Variants in FAT3 observed in about 807,000 individuals in gnomAD.
FAT3 encodes the protein FAT atypical cadherin 3.
A neutral mutation model predicts 310.2 loss-of-function variants in FAT3; 95 were observed. The observed-to-expected ratio is 0.31, with a 90% CI of 0.26 to 0.36. The LOEUF (loss-of-function observed/expected upper bound fraction) is 0.36. Among genes scored for constraint, FAT3 ranks in the 10% least tolerant of loss-of-function variants. The pLI is 1.00. For synonymous variants in FAT3, 2,314 were observed against 2,192.9 expected (o/e 1.06, Z -1.54); for missense variants, 5,408 against 5,715.6 (o/e 0.95, Z 1.74).
chr11:92,382,248 C>A (rs1272526773), intron 2 of FAT3, among the ~76,000 whole-genome samples: 1 of 152,092 alleles, frequency 6.6e-6, no homozygotes, highest in Non-Finnish European at 1.5e-5. Flanking sequence ...CTTAAACTGG[C>A]CCTTAGAAGT....
At chr11:92,254,179 T>G (rs1415736533) in intron 1 of FAT3, among the ~76,000 whole-genome samples, 1 of 152,126 alleles carries the variant, frequency 6.6e-6, no homozygotes, top group Non-Finnish European at 1.5e-5. Context: ...AGAGGCCACA[T>G]AGAAGCCCAG....
At chr11:92,383,082 T>C (rs1351168590) in intron 2 of FAT3, among the ~76,000 whole-genome samples, 2 of 152,222 alleles carry the variant, frequency 1.3e-5, no homozygotes, top group East Asian at 3.8e-4. Flanking sequence ...AGTGAGAATA[T>C]GCAGTGTTTG....
At chr11:92,292,565 G>A (rs531066429) in intron 1 of FAT3, among the ~76,000 whole-genome samples, 220 of 152,106 alleles carry the variant, frequency 1.4e-3, no homozygotes, top group Admixed American at 2.7e-3. Flanking sequence ...AAGCAAATCC[G>A]GTTTATGTCC....
intron 2 of FAT3, among the ~76,000 whole-genome samples, chr11:92,486,124 G>A: frequency 1.9e-5 from 1 of 53,450 alleles, no homozygotes; most frequent in African/African-American, 7.2e-5. Context: ...AGGAGAGGCT[G>A]CTGGGGTTTT....
intron 2 of FAT3, among the ~76,000 whole-genome samples, chr11:92,510,353 G>A (rs1953250966): frequency 6.6e-6 from 1 of 152,060 alleles, no homozygotes; most frequent in South Asian, 2.1e-4. Flanking sequence ...TGCTGTGTAT[G>A]GTGGTTATGC....
At chr11:92,336,703 A>G (rs1281708498) in intron 1 of FAT3, among the ~76,000 whole-genome samples, 1 of 152,192 alleles carries the variant, frequency 6.6e-6, no homozygotes, top group Non-Finnish European at 1.5e-5. Context: ...AATAAAACCA[A>G]ATAACCAGAA....
Position 92,612,806 on chromosome 11 carries a change from C to A in FAT3, c.3608-84578C>A, listed in dbSNP as rs546718121. Among the ~76,000 whole-genome samples, 10 of 152,190 alleles carry A rather than the reference C, an allele frequency of 6.6e-5. 1 individual carries two copies. Among genetic ancestry groups the A allele is most frequent in the Admixed American group, 6.5e-4 (10 of 15,286 alleles). On this transcript the variant is annotated intron_variant, in intron 3 of 27. Transcript: ENST00000525166. Reference sequence around the variant, plus strand: ...TCCTGAAAGATAGTGGCATTCAGGACAGGTCTGGAAGGATGGATGCAGTTT... The same window carrying A: ...TCCTGAAAGATAGTGGCATTCAGGAAAGGTCTGGAAGGATGGATGCAGTTT...
At chr11:92,406,547 C>T (rs954809726) in intron 2 of FAT3, 1 of 152,138 alleles carries the variant, frequency 6.6e-6, no homozygotes, top group Non-Finnish European at 1.5e-5. Flanking sequence ...ACCAAGGGAA[C>T]CAAGGTGTTC....
At chr11:92,398,500 CAAAA>C (rs35977408) in intron 2 of FAT3, among the ~76,000 whole-genome samples, 8 of 80,720 alleles carry the variant, frequency 9.9e-5, no homozygotes, top group Non-Finnish European at 1.5e-4. Flanking sequence ...AACTCCGTCC[CAAAA>C]AAAAAAAAAA....
chr11:92,249,286 A>G (rs531838475), intron 1 of FAT3, among the ~76,000 whole-genome samples: 66 of 152,206 alleles, frequency 4.3e-4, no homozygotes, highest in African/African-American at 1.6e-3. Context: ...GAAGATTGTG[A>G]TAAGGCAGCC....
At chr11:92,340,876 C>T (rs1433133958) in intron 1 of FAT3, among the ~76,000 whole-genome samples, 4 of 152,232 alleles carry the variant, frequency 2.6e-5, no homozygotes, top group Non-Finnish European at 4.4e-5. Context: ...TGCATTTTGC[C>T]TTCTTAGCTA....
At chr11:92,407,148 C>A (rs1423602431) in intron 2 of FAT3, among the ~76,000 whole-genome samples, 2 of 152,130 alleles carry the variant, frequency 1.3e-5, no homozygotes, top group East Asian at 3.9e-4. Flanking sequence ...TAGGAAAATT[C>A]TTTAAGGAGG....
intron 3 of FAT3, among the ~76,000 whole-genome samples, chr11:92,601,405 A>G (rs532469531): frequency 2.0e-5 from 3 of 152,234 alleles, no homozygotes; most frequent in South Asian, 4.1e-4. Context: ...ACTAAAAAAT[A>G]CAAAAATACG....
chr11:92,884,682 G>T (rs114233812), intron 24 of FAT3, among the ~76,000 whole-genome samples: 56 of 152,328 alleles, frequency 3.7e-4, no homozygotes, highest in African/African-American at 1.3e-3. Flanking sequence ...TAAGATTTCA[G>T]TAGGACACTT....
chr11:92,829,006 C>G (rs1436116378), intron 13 of FAT3, among the ~76,000 whole-genome samples: 1 of 152,204 alleles, frequency 6.6e-6, no homozygotes, highest in Non-Finnish European at 1.5e-5. Flanking sequence ...CAGCCCCTAC[C>G]TCTCCTCACT....
At chr11:92,829,232 T>C (rs1192614907) in intron 13 of FAT3, among the ~76,000 whole-genome samples, 1 of 152,242 alleles carries the variant, frequency 6.6e-6, no homozygotes, top group East Asian at 1.9e-4. Context: ...CCTTGGTTAA[T>C]GCATCAGTGA....
chr11:92,696,393 G>A (rs1271481120), intron 3 of FAT3, among the ~76,000 whole-genome samples: 1 of 151,990 alleles, frequency 6.6e-6, no homozygotes, highest in Non-Finnish European at 1.5e-5. Context: ...TAAAATCTGT[G>A]TGCTCCCACC....
At chr11:92,814,232 T>A (rs1219401079) in intron 13 of FAT3, among the ~76,000 whole-genome samples, 1 of 152,234 alleles carries the variant, frequency 6.6e-6, no homozygotes, top group Non-Finnish European at 1.5e-5. Flanking sequence ...CTACAAAATA[T>A]ACCGTTCATT....
At chr11:92,582,397 G>A (rs1174122122) in intron 3 of FAT3, among the ~76,000 whole-genome samples, 2 of 151,738 alleles carry the variant, frequency 1.3e-5, no homozygotes, top group Admixed American at 6.6e-5. Context: ...ATAAAATATA[G>A]GATGCAAATA....
Sources: gnomAD v4.1 joint callset for allele counts (sites outside exome capture counted in the v4.1 genomes callset) on GRCh38, gnomAD v4.1.1 for gene constraint, MANE v1.5 for transcripts, NCBI Gene and HGNC (gene_info 2026-07-23, HGNC 2026-07-21) for gene names.